Variants in DOCK8 observed in about 807,000 individuals in gnomAD.
DOCK8 encodes dedicator of cytokinesis 8.
In DOCK8, 141 loss-of-function variants were observed where a neutral mutation model predicts 245.6. That is an observed-to-expected ratio of 0.57 (90% CI 0.50 to 0.66). The LOEUF (loss-of-function observed/expected upper bound fraction) is 0.66. Ranked by LOEUF, DOCK8 falls within the 30% of genes least tolerant of loss-of-function variation. The pLI is 0.00. For missense variants in DOCK8, 2,965 were observed against 2,603.4 expected (o/e 1.14, Z -3.02); for synonymous variants, 1,168 against 970.2 (o/e 1.20, Z -3.79).
At chr9:307,052 G>C (rs2049867938) in intron 5 of DOCK8, among the ~76,000 whole-genome samples, 1 of 152,156 alleles carries the variant, frequency 6.6e-6, no homozygotes, top group African/African-American at 2.4e-5. Flanking sequence ...GCTAGAACCA[G>C]CTGTCACTAC....
At chr9:330,266 A>G (rs1466941117) in intron 9 of DOCK8, among the ~76,000 whole-genome samples, 5 of 152,210 alleles carry the variant, frequency 3.3e-5, no homozygotes, top group African/African-American at 9.6e-5. Flanking sequence ...TTGAATTGGA[A>G]ACTTTTCAAA....
rs149410096 is a variant in DOCK8, at chr9:317,611, A to C, written c.827+483A>C. ...CCCGGAGATTATTTGTAAAACATTTACCAGTATGCCACTGTTGAAACACAA... is the reference window on the plus strand; with the variant it reads ...CCCGGAGATTATTTGTAAAACATTTCCCAGTATGCCACTGTTGAAACACAA... On this transcript the variant is annotated intron_variant, in intron 7 of 47. Transcript: ENST00000432829. Among the ~76,000 whole-genome samples, 110 of 152,320 alleles carry C rather than the reference A, an allele frequency of 7.2e-4. 2 individuals are homozygous for C. The East Asian group carries it at 0.018, about 26-fold the overall frequency.
rs552088332 is a variant in DOCK8, at chr9:230,199, C to G, written c.53+15170C>G. On this transcript the variant is annotated intron_variant, in intron 1 of 47. Coordinates refer to ENST00000432829, the MANE Select transcript of DOCK8 (RefSeq NM_203447.4). ...GATAGTTTGCTGAGAATGATGGTTT[C>G]CAGTTTCATCCATGTCCCTACAAAG... 3.9e-3 allele frequency among the ~76,000 whole-genome samples: 593 copies of G among 152,082 alleles called. 7 individuals carry two copies. Among genetic ancestry groups the G allele is most frequent in the African/African-American group, 0.014 (570 of 41,480 alleles).
intron 4 of DOCK8, among the ~76,000 whole-genome samples, chr9:290,037 A>G (rs1410750030): frequency 2.0e-5 from 3 of 152,092 alleles, no homozygotes; most frequent in African/African-American, 4.8e-5. Context: ...TTGTTCTTCA[A>G]TGTCTTTTTG....
intron 14 of DOCK8, among the ~76,000 whole-genome samples, chr9:362,879 T>A (rs1316638880): frequency 1.3e-5 from 2 of 152,246 alleles, no homozygotes; most frequent in African/African-American, 4.8e-5. Flanking sequence ...TGGCTTTGAA[T>A]GATTTCAAGG....
At position 399,997 on chromosome 9, in the gene DOCK8, T is replaced by TCCACCATCACCACCATCACCA. The variant is rs1554691485; in HGVS notation, c.3234+744_3234+745insTCACCACCATCACCACCACCA. ...TCCACCATCACCACCTCCCACCACC[T>TCCACCATCACCACCATCACCA]CCACCACCTCCACCATCACCACCAC... On this transcript the variant is annotated intron_variant, in intron 26 of 47. Coordinates refer to ENST00000432829, the MANE Select transcript of DOCK8 (RefSeq NM_203447.4). 3.5e-5 allele frequency among the ~76,000 whole-genome samples: 2 copies of TCCACCATCACCACCATCACCA among 57,850 alleles called. 1 individual carries two copies. Among genetic ancestry groups the TCCACCATCACCACCATCACCA allele is most frequent in the African/African-American group, 1.7e-4 (2 of 12,112 alleles). 38.0% of individuals were successfully genotyped at this position (57,850 alleles called of 152,430 possible).
chr9:289,782 T>TA lies in DOCK8; in HGVS notation c.404+202dup. Among the ~76,000 whole-genome samples the TA allele has an allele frequency of 2.0e-5, 3 of 152,330 alleles. 1 individual carries two copies. The highest frequency in any genetic ancestry group is 6.8e-3 in the Middle Eastern group (2 of 294). On this transcript the variant is annotated intron_variant, in intron 4 of 47. Transcript: ENST00000432829. ...TTATGAACATCTCACTTTAGTGTGG[T>TA]ACATTTGTTACAGTAGCTGAGCCAA...
intron 1 of DOCK8, among the ~76,000 whole-genome samples, chr9:258,274 A>C (rs2047828457): frequency 6.6e-6 from 1 of 152,216 alleles, no homozygotes; most frequent in Admixed American, 6.5e-5. Context: ...ACATGCTGCT[A>C]ATTCACTGCC....
chr9:392,641 G>A (rs1205140496), intron 24 of DOCK8, among the ~76,000 whole-genome samples: 1 of 152,106 alleles, frequency 6.6e-6, no homozygotes, highest in Non-Finnish European at 1.5e-5. Flanking sequence ...TTTGGAATTT[G>A]TACTCAGACA....
chr9:257,471 C>G (rs2047805989), intron 1 of DOCK8, among the ~76,000 whole-genome samples: 1 of 152,096 alleles, frequency 6.6e-6, no homozygotes, highest in Non-Finnish European at 1.5e-5. Context: ...AAGCCTGCAA[C>G]AGAATCATCT....
chr9:408,474 A>G (rs1175319103), intron 28 of DOCK8, among the ~76,000 whole-genome samples: 1 of 152,050 alleles, frequency 6.6e-6, no homozygotes, highest in Admixed American at 6.5e-5. Context: ...CTCTAACTAA[A>G]TTTCTCCCAA....
At chr9:212,190 G>A (rs1379814273), upstream of DOCK8, among the ~76,000 whole-genome samples, 1 of 152,070 alleles carries the variant, frequency 6.6e-6, no homozygotes, top group Non-Finnish European at 1.5e-5. Flanking sequence ...AGCAGTACCC[G>A]GTACAAGATA....
intron 36 of DOCK8, among the ~76,000 whole-genome samples, chr9:431,452 C>T (rs2056709218): frequency 6.6e-6 from 1 of 152,096 alleles, no homozygotes; most frequent in Non-Finnish European, 1.5e-5. Flanking sequence ...AAAGAAGAAA[C>T]AAAACCTTGT....
chr9:215,376 G>A, intron 1 of DOCK8: 2 of 1,590,710 alleles, frequency 1.3e-6, no homozygotes, highest in Non-Finnish European at 1.7e-6. Context: ...ACCGTGTTGG[G>A]CGCGCCACGG....
intron 1 of DOCK8, among the ~76,000 whole-genome samples, chr9:244,250 C>T (rs565700506): frequency 3.6e-4 from 54 of 149,568 alleles, no homozygotes; most frequent in African/African-American, 1.2e-3. Context: ...CATGAAAATA[C>T]ACTTTACAAT....
intron 2 of DOCK8, among the ~76,000 whole-genome samples, chr9:280,561 G>C (rs2048535175): frequency 6.6e-6 from 1 of 152,204 alleles, no homozygotes; most frequent in South Asian, 2.1e-4. Flanking sequence ...GCTGAAGCCT[G>C]GAGTCTGAAC....
At chr9:274,475 TCTTTTC>T (rs1296056853) in intron 2 of DOCK8, among the ~76,000 whole-genome samples, 16 of 122,004 alleles carry the variant, frequency 1.3e-4, no homozygotes, top group South Asian at 5.9e-4. Context: ...CTTTTTTTTT[TCTTTTC>T]TTTCTTTTCT....
chr9:344,877 C>A (rs933826250), intron 14 of DOCK8, among the ~76,000 whole-genome samples: 2 of 152,026 alleles, frequency 1.3e-5, no homozygotes, highest in Non-Finnish European at 2.9e-5. Flanking sequence ...CACGGTGACC[C>A]CTTGTCTCTA....
At chr9:240,811 G>A (rs572708747) in intron 1 of DOCK8, among the ~76,000 whole-genome samples, 1 of 152,170 alleles carries the variant, frequency 6.6e-6, no homozygotes, top group East Asian at 1.9e-4. Flanking sequence ...ATCTGTAAGT[G>A]CGTAAACTAA....
Sources: gnomAD v4.1 joint callset for allele counts (sites outside exome capture counted in the v4.1 genomes callset) on GRCh38, gnomAD v4.1.1 for gene constraint, MANE v1.5 for transcripts, NCBI Gene and HGNC (gene_info 2026-07-23, HGNC 2026-07-21) for gene names.